Variants in DNAH8 observed in about 807,000 individuals in gnomAD.
The protein encoded by DNAH8 is dynein axonemal heavy chain 8.
DNAH8 carries 382 observed loss-of-function variants against 562.1 expected under a neutral mutation model. The ratio of observed to expected loss-of-function variants is 0.68; its 90% CI spans 0.63 to 0.74. The LOEUF (loss-of-function observed/expected upper bound fraction) is 0.74, where lower values mean the gene tolerates loss of function less well. Among genes scored for constraint, DNAH8 ranks in the 30% least tolerant of loss-of-function variants. The probability of loss-of-function intolerance (pLI) is 0.00; values close to 1 mark genes in which losing one functional copy is unlikely to be tolerated. For synonymous variants in DNAH8, 1,881 were observed against 1,919.4 expected (o/e 0.98, Z 0.52); for missense variants, 5,203 against 5,620.4 (o/e 0.93, Z 2.37).
intron 36 of DNAH8, 141 bp downstream of exon 36, chr6:38,845,914 T>G: frequency 1.5e-6 from 1 of 676,868 alleles, no homozygotes; most frequent in South Asian, 1.9e-5. Flanking sequence ...CTATACAAAC[T>G]GCCCGTTTTC....
intron 5 of DNAH8, among the ~76,000 whole-genome samples, chr6:38,736,495 A>T (rs1764100438): frequency 6.6e-6 from 1 of 152,196 alleles, no homozygotes; most frequent in Non-Finnish European, 1.5e-5. Flanking sequence ...TTTATACTTC[A>T]TTGCCACACA....
At chr6:38,754,695 A>G (rs1037952557) in intron 9 of DNAH8, among the ~76,000 whole-genome samples, 1 of 152,116 alleles carries the variant, frequency 6.6e-6, no homozygotes, top group African/African-American at 2.4e-5. Context: ...CAAAATCTCC[A>G]CTATGTAACT....
chr6:38,775,993 TAGTC>T (rs1768025728), intron 13 of DNAH8, 42 bp downstream of exon 13: 2 of 1,249,194 alleles, frequency 1.6e-6, no homozygotes, highest in African/African-American at 3.0e-5. Flanking sequence ...AGCTGAAAAG[TAGTC>T]AGTAGTACTA....
chr6:38,877,583 C>T (rs4302660), intron 53 of DNAH8, among the ~76,000 whole-genome samples: 64,252 of 151,964 alleles, frequency 0.42, 14,187 homozygotes, highest in East Asian at 0.69. Context: ...TTTGTGGCCA[C>T]GAAATGAACT....
intron 52 of DNAH8, among the ~76,000 whole-genome samples, chr6:38,873,996 CCTTT>C (rs1456716765): frequency 2.0e-5 from 3 of 149,990 alleles, no homozygotes; most frequent in African/African-American, 4.9e-5. Context: ...TTGTTTTTTC[CCTTT>C]CTTCCTTCCT....
intron 61 of DNAH8, among the ~76,000 whole-genome samples, chr6:38,899,405 AC>A (rs1294785231): frequency 2.6e-5 from 4 of 152,250 alleles, no homozygotes; most frequent in Non-Finnish European, 4.4e-5. Context: ...TAATAAAAAA[AC>A]AATTGTAAAC....
At chr6:39,007,213 C>T (rs1765852402) in intron 88 of DNAH8, among the ~76,000 whole-genome samples, 1 of 152,144 alleles carries the variant, frequency 6.6e-6, no homozygotes, top group African/African-American at 2.4e-5. Flanking sequence ...ATGTAAATGT[C>T]AAATGTCTCT....
At chr6:38,992,121 A>G (rs895158316) in intron 88 of DNAH8, among the ~76,000 whole-genome samples, 2 of 151,952 alleles carry the variant, frequency 1.3e-5, no homozygotes, top group Non-Finnish European at 2.9e-5. Flanking sequence ...ATGCACCACC[A>G]CGCCTGGCTA....
chr6:39,020,861 T>C (rs1766871112), intron 91 of DNAH8, among the ~76,000 whole-genome samples: 1 of 152,224 alleles, frequency 6.6e-6, no homozygotes, highest in South Asian at 2.1e-4. Flanking sequence ...TTCCTTTCTA[T>C]GGCTGCATGG....
intron 62 of DNAH8, among the ~76,000 whole-genome samples, chr6:38,903,693 A>G (rs1780239992): frequency 6.8e-6 from 1 of 146,870 alleles, no homozygotes; most frequent in African/African-American, 2.5e-5. Context: ...GCTCACTGCA[A>G]CCTCCACCTC....
At chr6:38,867,250 T>TGTGTGTGC (rs1185522044) in intron 47 of DNAH8, among the ~76,000 whole-genome samples, 3 of 151,752 alleles carry the variant, frequency 2.0e-5, no homozygotes, top group East Asian at 3.9e-4. Flanking sequence ...TGTGTGTGTG[T>TGTGTGTGC]GTGTGTGTAG....
Position 38,805,464 on chromosome 6 carries a change from T to C in DNAH8, c.3035-17T>C, listed in dbSNP as rs368671225. The C allele has an allele frequency of 8.6e-6, 13 of 1,508,150 alleles. No homozygotes were observed. Among genetic ancestry groups the C allele is most frequent in the Admixed American group, 3.4e-5 (2 of 59,328 alleles). 93.4% of individuals were successfully genotyped at this position (1,508,150 alleles called of 1,614,324 possible). On this transcript the variant is annotated splice_polypyrimidine_tract_variant and intron_variant, in intron 22 of 92. Transcript: ENST00000327475. ...AAAAGTCAAATGTTATATTTTTGTT[T>C]TGTCTTTTGTCTATAGAACAGCGGA...
chr6:39,002,637 A>G (rs1473157561), intron 88 of DNAH8, among the ~76,000 whole-genome samples: 3 of 152,228 alleles, frequency 2.0e-5, no homozygotes, highest in Admixed American at 6.5e-5. Flanking sequence ...GGATATTCCA[A>G]ATCCCCAACA....
intron 68 of DNAH8, among the ~76,000 whole-genome samples, chr6:38,917,033 T>C (rs1489647411): frequency 6.6e-6 from 1 of 152,124 alleles, no homozygotes; most frequent in Middle Eastern, 3.2e-3. Flanking sequence ...AACCAATTCG[T>C]TGGGAGCAAC....
intron 52 of DNAH8, among the ~76,000 whole-genome samples, chr6:38,873,703 T>C (rs1777649490): frequency 7.0e-6 from 1 of 142,222 alleles, no homozygotes. Flanking sequence ...AATTTTAAAA[T>C]AAATAAAAAA....
intron 21 of DNAH8, among the ~76,000 whole-genome samples, chr6:38,802,311 C>T (rs1770854754): frequency 6.6e-6 from 1 of 151,688 alleles, no homozygotes; most frequent in Non-Finnish European, 1.5e-5. Context: ...GTGGCGCGAT[C>T]ATGGCTCCTG....
At chr6:38,815,720 T>G (rs1394398454) in intron 26 of DNAH8, 63 bp downstream of exon 26, 3 of 1,343,164 alleles carry the variant, frequency 2.2e-6, no homozygotes, top group African/African-American at 1.5e-5. Context: ...GCATATAGAT[T>G]TTTAAATTAT....
intron 82 of DNAH8, among the ~76,000 whole-genome samples, chr6:38,958,646 CAAAAAAAAA>C (rs35382684): frequency 8.5e-5 from 5 of 58,892 alleles, no homozygotes; most frequent in Non-Finnish European, 1.5e-4. Flanking sequence ...AGTCTCCCAT[CAAAAAAAAA>C]AAAAAAAAAA....
At chr6:38,990,404 T>A (rs914697545) in intron 88 of DNAH8, among the ~76,000 whole-genome samples, 3 of 152,238 alleles carry the variant, frequency 2.0e-5, no homozygotes, top group African/African-American at 7.2e-5. Flanking sequence ...CTCTAATTTA[T>A]GCATTGATTA....
Sources: allele counts gnomAD v4.1 joint callset (sites outside exome capture counted in the v4.1 genomes callset), GRCh38; gene constraint gnomAD v4.1.1; transcripts MANE v1.5; gene names NCBI Gene and HGNC (gene_info 2026-07-23, HGNC 2026-07-21).